Variants in GRIN2A observed in about 807,000 individuals in gnomAD.
GRIN2A encodes the protein glutamate receptor ionotropic, NMDA 2A.
A neutral mutation model predicts 113.4 loss-of-function variants in GRIN2A; 22 were observed. That is an observed-to-expected ratio of 0.19 (90% CI 0.14 to 0.28). The LOEUF (loss-of-function observed/expected upper bound fraction) is 0.28, where lower values mean the gene tolerates loss of function less well. Ranked by LOEUF, GRIN2A falls within the 10% of genes least tolerant of loss-of-function variation. The probability of loss-of-function intolerance (pLI) is 1.00; values close to 1 mark genes in which losing one functional copy is unlikely to be tolerated. For synonymous variants in GRIN2A, 827 were observed against 738.4 expected, an observed-to-expected ratio of 1.12 and a Z score of -1.94; for missense variants, 1,502 against 1,887.0, an observed-to-expected ratio of 0.80 and a Z score of 3.78.
intron 2 of GRIN2A, among the ~76,000 whole-genome samples, chr16:10,051,725 G>A (rs565560438): frequency 6.6e-6 from 1 of 152,246 alleles, no homozygotes; most frequent in East Asian, 1.9e-4. Context: ...TACCAGGAAC[G>A]GTCACCAGAG....
intron 11 of GRIN2A, among the ~76,000 whole-genome samples, chr16:9,783,604 A>T (rs1902051921): frequency 6.6e-6 from 1 of 152,168 alleles, no homozygotes; most frequent in African/African-American, 2.4e-5. Flanking sequence ...CAAACCATTT[A>T]TGCCTCTAGT....
intron 2 of GRIN2A, among the ~76,000 whole-genome samples, chr16:10,083,209 G>T (rs1296116474): frequency 6.6e-6 from 1 of 152,234 alleles, no homozygotes; most frequent in Non-Finnish European, 1.5e-5. Context: ...AATGCAAACA[G>T]GAGCTAGTTC....
intron 4 of GRIN2A, among the ~76,000 whole-genome samples, chr16:9,851,300 A>T (rs1300610828): frequency 6.6e-6 from 1 of 152,200 alleles, no homozygotes. Context: ...TTAAGATAGG[A>T]TGGCGAGTAG....
intron 2 of GRIN2A, among the ~76,000 whole-genome samples, chr16:10,128,820 C>G (rs146134036): frequency 7.9e-5 from 12 of 152,162 alleles, no homozygotes; most frequent in Non-Finnish European, 1.8e-4. Flanking sequence ...CAACAAAAGG[C>G]AAGAAAAGTT....
rs867030174 is a variant in GRIN2A at position 9,763,955 on chromosome 16, C to A, written c.3589G>T (p.Gly1197Cys). ...YSKHFTLKDKGSPHSETSERY... is the reference protein window; with the variant it reads ...YSKHFTLKDKCSPHSETSERY... ...TCGCTGGTCTCACTGTGCGGGGAACCCTTGTCTTTCAAGGTGAAGTGCTTG... is the reference window on the plus strand; with the variant it reads ...TCGCTGGTCTCACTGTGCGGGGAACACTTGTCTTTCAAGGTGAAGTGCTTG... The change falls in exon 13 of 13, where the codon GGT becomes TGT. Residue 1197 changes from glycine to cysteine, a missense_variant. Physicochemically the swap from Gly to Cys is radical, Grantham distance 159 (BLOSUM62 -3). This residue lies in a region of GRIN2A where 832 missense variants were observed against 789.7 expected (regional missense o/e 1.05). Transcript: ENST00000330684. 1 of 1,614,080 alleles carries A rather than the reference C, an allele frequency of 6.2e-7. No individual in the cohort carries two copies. Among genetic ancestry groups the A allele is most frequent in the South Asian group, 1.1e-5 (1 of 91,062 alleles).
chr16:9,863,427 T>C (rs2043106739), intron 4 of GRIN2A, among the ~76,000 whole-genome samples: 2 of 152,208 alleles, frequency 1.3e-5, no homozygotes, highest in South Asian at 4.1e-4. Context: ...GTTTTACTTC[T>C]TCCATTTGCC....
intron 2 of GRIN2A, chr16:10,112,161 C>T (rs899120404): frequency 2.2e-5 from 13 of 586,702 alleles, no homozygotes; most frequent in Non-Finnish European, 3.8e-5. Context: ...CTGCCTGGAC[C>T]TGCTCACCTG....
At chr16:9,855,133 A>G (rs535864152) in intron 4 of GRIN2A, among the ~76,000 whole-genome samples, 7 of 152,238 alleles carry the variant, frequency 4.6e-5, no homozygotes, top group Non-Finnish European at 8.8e-5. Context: ...GGCACAGGAC[A>G]AGAGGGTTCA....
chr16:9,772,140 A>G (rs1448330100), intron 11 of GRIN2A, among the ~76,000 whole-genome samples: 1 of 152,132 alleles, frequency 6.6e-6, no homozygotes, highest in Non-Finnish European at 1.5e-5. Context: ...GGGTATCTTG[A>G]TTCAATTCCT....
chr16:9,785,025 G>T (rs1902150213), intron 11 of GRIN2A, among the ~76,000 whole-genome samples: 1 of 152,224 alleles, frequency 6.6e-6, no homozygotes, highest in Non-Finnish European at 1.5e-5. Flanking sequence ...GTGGAAGTCA[G>T]TGTGGCGATT....
chr16:9,980,449 A>C (rs935897148), intron 2 of GRIN2A, among the ~76,000 whole-genome samples: 4 of 152,122 alleles, frequency 2.6e-5, no homozygotes, highest in African/African-American at 9.7e-5. Flanking sequence ...GGGATCTACA[A>C]CTAGAAATAC....
At chr16:9,843,072 G>A (rs2042710867) in intron 5 of GRIN2A, among the ~76,000 whole-genome samples, 1 of 151,108 alleles carries the variant, frequency 6.6e-6, no homozygotes, top group Non-Finnish European at 1.5e-5. Context: ...GAGAGGGAGG[G>A]AGAGAGAAGA....
At chr16:9,996,049 A>T in intron 2 of GRIN2A, among the ~76,000 whole-genome samples, 2 of 132,104 alleles carry the variant, frequency 1.5e-5, no homozygotes, top group African/African-American at 2.8e-5. Context: ...AAAAAAAAAA[A>T]AAAGAAAGAA....
intron 11 of GRIN2A, among the ~76,000 whole-genome samples, chr16:9,795,286 A>G (rs28489484): frequency 2.2e-3 from 329 of 152,314 alleles, no homozygotes; most frequent in African/African-American, 7.4e-3. Flanking sequence ...CAAGATGGCC[A>G]TGAGAGGGAT....
At chr16:10,039,059 C>T (rs898647628) in intron 2 of GRIN2A, among the ~76,000 whole-genome samples, 3 of 152,004 alleles carry the variant, frequency 2.0e-5, no homozygotes, top group African/African-American at 7.3e-5. Context: ...AGACTGAAAC[C>T]AGGTCTGCTT....
At chr16:9,982,578 T>C (rs1567215454) in intron 2 of GRIN2A, among the ~76,000 whole-genome samples, 1 of 152,214 alleles carries the variant, frequency 6.6e-6, no homozygotes, top group Non-Finnish European at 1.5e-5. Flanking sequence ...AATGAATTGG[T>C]TCCCTAGCAT....
At chr16:10,117,095 T>C (rs969887502) in intron 2 of GRIN2A, among the ~76,000 whole-genome samples, 3 of 151,766 alleles carry the variant, frequency 2.0e-5, no homozygotes, top group African/African-American at 7.3e-5. Context: ...GCTTACTCCA[T>C]GCACAGGTGA....
intron 2 of GRIN2A, among the ~76,000 whole-genome samples, chr16:10,006,700 G>T (rs1434990149): frequency 6.6e-6 from 1 of 151,944 alleles, no homozygotes; most frequent in South Asian, 2.1e-4. Flanking sequence ...ACCCTGTTAT[G>T]CTATCAAACA....
chr16:9,986,440 A>G (rs1340927179), intron 2 of GRIN2A, among the ~76,000 whole-genome samples: 1 of 152,166 alleles, frequency 6.6e-6, no homozygotes, highest in Non-Finnish European at 1.5e-5. Context: ...TTCTGTTTTA[A>G]CAATGTACAA....
Sources: gnomAD v4.1 joint callset for allele counts (sites outside exome capture counted in the v4.1 genomes callset) on GRCh38, gnomAD v4.1.1 for gene constraint, gnomAD v4.1.1 regional missense constraint, MANE v1.5 for transcripts, NCBI Gene and HGNC (gene_info 2026-07-23, HGNC 2026-07-21) for gene names.